Variants in RBMS1 observed in about 807,000 individuals in gnomAD.
The protein encoded by RBMS1 is RNA binding motif single stranded interacting protein 1.
RBMS1 carries 17 observed loss-of-function variants against 62.3 expected under a neutral mutation model. The observed-to-expected ratio is 0.27, with a 90% CI of 0.19 to 0.41. The LOEUF is 0.41. RBMS1 is among the 10% of genes least tolerant of loss of function. The pLI is 1.00. For synonymous variants in RBMS1, 172 were observed against 170.0 expected (o/e 1.01, Z -0.09); for missense variants, 334 against 504.5 (o/e 0.66, Z 3.24).
chr2:160,399,620 C>A (rs1395025512), intron 1 of RBMS1, among the ~76,000 whole-genome samples: 1 of 151,888 alleles, frequency 6.6e-6, no homozygotes, highest in Non-Finnish European at 1.5e-5. Context: ...AACAAAAGAA[C>A]TATTCACTGT....
chr2:160,361,848 T>C (rs557589103), intron 2 of RBMS1, among the ~76,000 whole-genome samples: 3 of 152,300 alleles, frequency 2.0e-5, no homozygotes, highest in African/African-American at 7.2e-5. Flanking sequence ...TATTTTATTA[T>C]AAAAAAGTGT....
chr2:160,383,075 G>GA, intron 1 of RBMS1, among the ~76,000 whole-genome samples: 1 of 152,230 alleles, frequency 6.6e-6, no homozygotes, highest in Admixed American at 6.5e-5. Context: ...TAGTTTCCAA[G>GA]GGATGCTGTA....
intron 2 of RBMS1, among the ~76,000 whole-genome samples, chr2:160,353,818 T>C (rs1259797456): frequency 1.3e-5 from 2 of 152,072 alleles, no homozygotes; most frequent in African/African-American, 2.4e-5. Flanking sequence ...GGATTGACCA[T>C]TAGAAGCTTT....
At chr2:160,384,025 G>C (rs575306401) in intron 1 of RBMS1, among the ~76,000 whole-genome samples, 1 of 152,060 alleles carries the variant, frequency 6.6e-6, no homozygotes, top group Non-Finnish European at 1.5e-5. Flanking sequence ...GTGAAACCCC[G>C]TCTCTACTAA....
intron 1 of RBMS1, chr2:160,416,162 G>C (rs771810669): frequency 1.3e-5 from 2 of 149,586 alleles, no homozygotes; most frequent in East Asian, 3.9e-4. Context: ...TACTCCCCAA[G>C]TGAAGAGAAG....
intron 1 of RBMS1, among the ~76,000 whole-genome samples, chr2:160,438,915 C>T (rs1222739336): frequency 2.0e-5 from 3 of 146,602 alleles, no homozygotes; most frequent in African/African-American, 5.1e-5. Context: ...CCCTCCTGGA[C>T]GGGGCGGCTG....
At chr2:160,468,368 G>C (rs1684781777) in intron 1 of RBMS1, among the ~76,000 whole-genome samples, 1 of 152,144 alleles carries the variant, frequency 6.6e-6, no homozygotes, top group Admixed American at 6.5e-5. Context: ...ATCTGATTTA[G>C]TTTTGGACTG....
At chr2:160,365,365 G>C (rs971814431) in intron 2 of RBMS1, among the ~76,000 whole-genome samples, 4 of 152,152 alleles carry the variant, frequency 2.6e-5, no homozygotes, top group African/African-American at 7.2e-5. Context: ...GAGAGTGAGG[G>C]CTGCAAAGCG....
At chr2:160,425,149 GA>G (rs1574041946) in intron 1 of RBMS1, among the ~76,000 whole-genome samples, 1 of 152,270 alleles carries the variant, frequency 6.6e-6, no homozygotes, top group South Asian at 2.1e-4. Flanking sequence ...TGTGAAGTGA[GA>G]GCATTTAAAA....
At chr2:160,397,671 C>G (rs1262817069) in intron 1 of RBMS1, among the ~76,000 whole-genome samples, 1 of 152,138 alleles carries the variant, frequency 6.6e-6, no homozygotes, top group Non-Finnish European at 1.5e-5. Context: ...ACCCCTGCCT[C>G]CACCCTCCTT....
intron 1 of RBMS1, among the ~76,000 whole-genome samples, chr2:160,464,019 T>G (rs192538857): frequency 3.9e-5 from 6 of 152,314 alleles, no homozygotes; most frequent in African/African-American, 1.4e-4. Context: ...TTTTACTAAC[T>G]AAATGCCAAA....
At chr2:160,279,136 C>T (rs1363751274) in intron 10 of RBMS1, 1 of 153,164 alleles carries the variant, frequency 6.5e-6, no homozygotes, top group African/African-American at 2.4e-5. Flanking sequence ...TTTTGTTTAA[C>T]AATGTTCTAT....
intron 2 of RBMS1, among the ~76,000 whole-genome samples, chr2:160,319,135 G>A (rs905605089): frequency 6.6e-6 from 1 of 152,136 alleles, no homozygotes; most frequent in Non-Finnish European, 1.5e-5. Context: ...CATACTATAA[G>A]GAAAAGCACT....
At chr2:160,339,975 A>G (rs1691783238) in intron 2 of RBMS1, among the ~76,000 whole-genome samples, 1 of 152,178 alleles carries the variant, frequency 6.6e-6, no homozygotes, top group African/African-American at 2.4e-5. Flanking sequence ...CACACACATA[A>G]CATGTACAAA....
chr2:160,321,712 T>G (rs569841643), intron 2 of RBMS1, among the ~76,000 whole-genome samples: 1 of 152,260 alleles, frequency 6.6e-6, no homozygotes, highest in Non-Finnish European at 1.5e-5. Flanking sequence ...TCTCCCAATC[T>G]CCTACCAAGC....
At chr2:160,341,828 T>C (rs1691890173) in intron 2 of RBMS1, among the ~76,000 whole-genome samples, 1 of 152,200 alleles carries the variant, frequency 6.6e-6, no homozygotes. Context: ...ATATTTGTGT[T>C]GATAAATGAA....
intron 1 of RBMS1, among the ~76,000 whole-genome samples, chr2:160,407,013 GACACACACAGAGACACAGACAC>G (rs957798025): frequency 9.3e-5 from 14 of 150,596 alleles, no homozygotes; most frequent in Non-Finnish European, 1.6e-4. Flanking sequence ...CGAACACACA[GACACACACAGAGACACAGACAC>G]ACACACACAG....
At chr2:160,293,609 C>T (rs150718937) in intron 6 of RBMS1, among the ~76,000 whole-genome samples, 18 of 152,124 alleles carry the variant, frequency 1.2e-4, no homozygotes, top group African/African-American at 4.1e-4. Flanking sequence ...GTTCAGAAAG[C>T]GAGATGGGAA....
At chr2:160,362,589 G>A (rs1481487543) in intron 2 of RBMS1, among the ~76,000 whole-genome samples, 2 of 152,084 alleles carry the variant, frequency 1.3e-5, no homozygotes, top group Non-Finnish European at 2.9e-5. Context: ...GGTTTGTGGT[G>A]CCCCAAAACA....
Sources: gnomAD v4.1 joint callset for allele counts (sites outside exome capture counted in the v4.1 genomes callset) on GRCh38, gnomAD v4.1.1 for gene constraint, MANE v1.5 for transcripts, NCBI Gene and HGNC (gene_info 2026-07-23, HGNC 2026-07-21) for gene names.